Variants in RYR2 observed in about 807,000 individuals in gnomAD.
RYR2 encodes ryanodine receptor 2.
RYR2 carries 227 observed loss-of-function variants against 601.1 expected under a neutral mutation model. The ratio of observed to expected loss-of-function variants is 0.38; its 90% CI spans 0.34 to 0.42. The LOEUF (loss-of-function observed/expected upper bound fraction) is 0.42, where lower values mean the gene tolerates loss of function less well. RYR2 is among the 10% of genes least tolerant of loss of function. RYR2 has a pLI of 1.00. For missense variants in RYR2, 4,646 were observed against 6,156.5 expected (o/e 0.75, Z 8.21); for synonymous variants, 2,223 against 2,175.1 (o/e 1.02, Z -0.61).
chr1:237,356,518 C>T (rs1425929309), intron 4 of RYR2, among the ~76,000 whole-genome samples: 3 of 151,922 alleles, frequency 2.0e-5, no homozygotes, highest in Non-Finnish European at 4.4e-5. Context: ...TCTGCCTCAG[C>T]CTCCCAAAGT....
chr1:237,148,528 AT>A (rs1217044961), intron 1 of RYR2, among the ~76,000 whole-genome samples: 6,218 of 76,712 alleles, frequency 0.081, 314 homozygotes, highest in African/African-American at 0.17. Flanking sequence ...AAAAAAAAAA[AT>A]ATATATATAT....
At chr1:237,222,600 A>G (rs1299560047) in intron 1 of RYR2, among the ~76,000 whole-genome samples, 1 of 152,158 alleles carries the variant, frequency 6.6e-6, no homozygotes, top group Non-Finnish European at 1.5e-5. Flanking sequence ...TACGCTGGAA[A>G]GAAATGTCTG....
intron 80 of RYR2, among the ~76,000 whole-genome samples, chr1:237,744,672 G>C (rs928073312): frequency 8.1e-5 from 12 of 147,818 alleles, no homozygotes; most frequent in African/African-American, 2.8e-4. Flanking sequence ...CAACAAAAAA[G>C]CTTTTTAGTT....
chr1:237,832,491 C>A, intron 104 of RYR2, 61 bp from the exon 105 acceptor site: 1 of 1,095,370 alleles, frequency 9.1e-7, no homozygotes, highest in Non-Finnish European at 1.4e-6. Flanking sequence ...GAGTTTCTAC[C>A]TTATGTTTTG....
Position 237,234,883 on chromosome 1 carries a change from A to AT in RYR2, c.49-35603dup, listed in dbSNP as rs1014101435. Among the ~76,000 whole-genome samples the AT allele has an allele frequency of 4.0e-3, 581 of 146,584 alleles. 4 individuals carry two copies. Among genetic ancestry groups the AT allele is most frequent in the African/African-American group, 0.012 (479 of 40,282 alleles). ...TCATCAAGAAGCTTACAGTTTTGTG[A>AT]TTTTTTTTTTTAATGCCCAAGAATC... On this transcript the variant is annotated intron_variant, in intron 1 of 104. Coordinates refer to ENST00000366574, the MANE Select transcript of RYR2 (RefSeq NM_001035.3).
intron 102 of RYR2, chr1:237,829,889 T>A (rs1307876146): frequency 2.6e-5 from 4 of 152,250 alleles, no homozygotes; most frequent in South Asian, 4.2e-4. Flanking sequence ...GGTGCCCCTC[T>A]ACAGGGTGCT....
chr1:237,067,835 G>A (rs375497014), intron 1 of RYR2, among the ~76,000 whole-genome samples: 6 of 152,154 alleles, frequency 3.9e-5, no homozygotes, highest in African/African-American at 1.2e-4. Context: ...AACATCCTGC[G>A]CTTTAATTAT....
chr1:237,599,187 A>G (rs2148494845), intron 34 of RYR2, among the ~76,000 whole-genome samples: 1 of 152,294 alleles, frequency 6.6e-6, no homozygotes, highest in South Asian at 2.1e-4. Context: ...GGAAAAGTTG[A>G]AAGCTTTTTT....
chr1:237,278,128 T>C (rs1461312283), intron 2 of RYR2, among the ~76,000 whole-genome samples: 1 of 151,960 alleles, frequency 6.6e-6, no homozygotes, highest in Admixed American at 6.6e-5. Flanking sequence ...TAGAGTGAAG[T>C]TGCATGATCT....
intron 1 of RYR2, among the ~76,000 whole-genome samples, chr1:237,125,419 T>A (rs1671298796): frequency 6.7e-6 from 1 of 148,598 alleles, no homozygotes; most frequent in African/African-American, 2.6e-5. Flanking sequence ...AAAAGCTGTT[T>A]TGCTAAAAAA....
chr1:237,580,312 C>T lies in RYR2; in HGVS notation c.3599-9481C>T, dbSNP rs1328168751. On this transcript the variant is annotated intron_variant, in intron 29 of 104. Transcript: ENST00000366574. ...CTGGGATTACAGGCACACACCACGACGCCTGGCTAATTTTTTGTATTTTTT... is the reference window on the plus strand; with the variant it reads ...CTGGGATTACAGGCACACACCACGATGCCTGGCTAATTTTTTGTATTTTTT... 3.3e-5 allele frequency among the ~76,000 whole-genome samples: 5 copies of T among 151,724 alleles called. No homozygotes were observed. In the South Asian group the frequency reaches 6.3e-4, roughly 19 times the overall value.
intron 50 of RYR2, 108 bp from the exon 51 acceptor site, chr1:237,651,303 A>T: frequency 1.3e-6 from 1 of 742,402 alleles, no homozygotes. Flanking sequence ...TACCATCTGA[A>T]GTGAGGTATA....
chr1:237,344,211 G>C (rs73128913), intron 3 of RYR2, among the ~76,000 whole-genome samples: 3,156 of 152,246 alleles, frequency 0.021, 104 homozygotes, highest in African/African-American at 0.071. Flanking sequence ...GCTAATGATC[G>C]GATTATTCTC....
intron 34 of RYR2, among the ~76,000 whole-genome samples, chr1:237,601,678 T>C (rs908573589): frequency 2.6e-5 from 4 of 152,118 alleles, no homozygotes; most frequent in Non-Finnish European, 5.9e-5. Context: ...TATGCAAGTA[T>C]CAAAACATCA....
intron 2 of RYR2, among the ~76,000 whole-genome samples, chr1:237,299,127 C>CTTTTTTTTTTTTTT (rs3086046): frequency 6.9e-6 from 1 of 145,406 alleles, no homozygotes. Flanking sequence ...TTCCTAGAGT[C>CTTTTTTTTTTTTTT]TTTTTTTTTT....
At chr1:237,171,670 G>A (rs1463754238) in intron 1 of RYR2, among the ~76,000 whole-genome samples, 1 of 152,168 alleles carries the variant, frequency 6.6e-6, no homozygotes, top group African/African-American at 2.4e-5. Context: ...TCCTCTGGAA[G>A]CCATTATTCA....
chr1:237,644,296 G>C (rs544356820), intron 48 of RYR2, among the ~76,000 whole-genome samples: 6 of 151,810 alleles, frequency 4.0e-5, no homozygotes, highest in African/African-American at 1.5e-4. Flanking sequence ...GCAGTGGCGC[G>C]ATCTTGGCTC....
chr1:237,122,719 T>C (rs1670946255), intron 1 of RYR2, among the ~76,000 whole-genome samples: 1 of 150,680 alleles, frequency 6.6e-6, no homozygotes, highest in African/African-American at 2.5e-5. Flanking sequence ...CAAACAAAAC[T>C]TAAACTCTAT....
intron 1 of RYR2, among the ~76,000 whole-genome samples, chr1:237,144,406 G>A (rs1190974926): frequency 6.6e-6 from 1 of 152,130 alleles, no homozygotes; most frequent in East Asian, 1.9e-4. Flanking sequence ...CTTGGAGCCT[G>A]GTACCTGCCG....
Sources: allele counts gnomAD v4.1 joint callset (sites outside exome capture counted in the v4.1 genomes callset), GRCh38; gene constraint gnomAD v4.1.1; transcripts MANE v1.5; gene names NCBI Gene and HGNC (gene_info 2026-07-23, HGNC 2026-07-21).